The following DNAH5 variants were observed in gnomAD, a reference collection of about 807,000 sequenced individuals.
DNAH5 encodes dynein axonemal heavy chain 5, also known as axonemal beta dynein heavy chain 5.
DNAH5 carries 372 observed loss-of-function variants against 518.2 expected under a neutral mutation model. The ratio of observed to expected loss-of-function variants is 0.72; its 90% CI spans 0.66 to 0.78. DNAH5 has a LOEUF of 0.78. Among genes scored for constraint, DNAH5 ranks in the 30% least tolerant of loss-of-function variants. The pLI is 0.00. For missense variants in DNAH5, 5,523 were observed against 5,687.0 expected, an observed-to-expected ratio of 0.97 and a Z score of 0.93; for synonymous variants, 2,039 against 2,025.9, an observed-to-expected ratio of 1.01 and a Z score of -0.17.
intron 69 of DNAH5, among the ~76,000 whole-genome samples, chr5:13,728,122 G>T (rs887549601): frequency 2.0e-5 from 3 of 152,124 alleles, no homozygotes; most frequent in African/African-American, 7.2e-5. Context: ...ACAGCTTTTT[G>T]ATCAATACTC....
At chr5:13,799,181 T>C (rs1462965185) in intron 47 of DNAH5, among the ~76,000 whole-genome samples, 2 of 150,060 alleles carry the variant, frequency 1.3e-5, no homozygotes, top group South Asian at 2.1e-4. Context: ...CCCATGACAT[T>C]GTACAATAGC....
At chr5:13,876,144 A>G (rs566521887) in intron 22 of DNAH5, among the ~76,000 whole-genome samples, 2 of 152,334 alleles carry the variant, frequency 1.3e-5, no homozygotes, top group Admixed American at 1.3e-4. Context: ...AGAGGGGAGT[A>G]TGCTGAAAGA....
At chr5:13,933,117 A>G (rs1187153578) in intron 1 of DNAH5, among the ~76,000 whole-genome samples, 1 of 152,248 alleles carries the variant, frequency 6.6e-6, no homozygotes, top group East Asian at 1.9e-4. Context: ...GTGGGACAAA[A>G]TAACTTCTCC....
chr5:13,984,972 T>C (rs995540085), intron 1 of DNAH5, among the ~76,000 whole-genome samples: 2 of 152,142 alleles, frequency 1.3e-5, no homozygotes, highest in African/African-American at 4.8e-5. Flanking sequence ...TAAAGACACA[T>C]GCACATGTAT....
chr5:13,793,399 A>C (rs1757307418), intron 49 of DNAH5, 116 bp downstream of exon 49: 1 of 825,446 alleles, frequency 1.2e-6, no homozygotes, highest in Non-Finnish European at 2.1e-6. Flanking sequence ...TGGAGGCTGT[A>C]GACCAAGGAG....
chr5:14,010,828 A>G (rs531864989), intron 1 of DNAH5, among the ~76,000 whole-genome samples: 7 of 152,206 alleles, frequency 4.6e-5, no homozygotes, highest in African/African-American at 1.2e-4. Context: ...GTATAAATTT[A>G]TATCTTTAAA....
At chr5:13,755,977 G>A (rs1750937168) in intron 61 of DNAH5, among the ~76,000 whole-genome samples, 2 of 152,170 alleles carry the variant, frequency 1.3e-5, no homozygotes, top group South Asian at 2.1e-4. Context: ...AAAGAAAGCC[G>A]TAAGTTCCGT....
At chr5:13,854,407 G>T (rs921925935) in intron 30 of DNAH5, among the ~76,000 whole-genome samples, 13 of 152,184 alleles carry the variant, frequency 8.5e-5, no homozygotes, top group African/African-American at 3.1e-4. Context: ...ACCAGCCACT[G>T]CAAAAACAAA....
rs376618204 is a variant in DNAH5, at chr5:13,864,553, G to A, written c.4440C>T (p.Cys1480=). ...KKIIDDFSEC[C]PLLEYMASKA... is the part of the protein sequence containing the mutation. ...TACTGGCCATGTATTCCAGCAGCGG[G>A]CAACACTCGCTGAAATCATCAATGA... Residue 1480 remains cysteine, a synonymous_variant, in exon 28 of 79, where the codon TGC becomes TGT. Transcript: ENST00000265104. 9.7e-5 allele frequency: 156 copies of A among 1,613,958 alleles called. No homozygotes were observed. Among genetic ancestry groups the A allele is most frequent in the Non-Finnish European group, 1.3e-4 (148 of 1,180,026 alleles).
rs188647182 is a variant in DNAH5, at chr5:13,920,711, C to T, written c.661-94G>A. The T allele has an allele frequency of 2.5e-4, 365 of 1,459,610 alleles. No individual in the cohort carries two copies. In the African/African-American group the frequency reaches 3.9e-3, roughly 15 times the overall value. The allele number at this position is 1,459,610 out of a possible 1,614,324, so 90.4% of individuals were successfully genotyped here. A position where few individuals can be genotyped will look rare whatever the true frequency, so the allele number is the denominator to read the frequency against. ...TTTCCACTTTGCTGCACTCTGACAG[C>T]GCTCTGGAAAGCCCACCAGGTAGCA... On this transcript the variant is annotated intron_variant, in intron 5 of 78. Transcript: ENST00000265104.
At position 13,729,440 on chromosome 5, in the gene DNAH5, T is replaced by C; in HGVS notation, c.11882A>G (p.Gln3961Arg). 6.2e-7 allele frequency: 1 copy of C among 1,613,990 alleles called. No individual in the cohort carries two copies. The highest frequency in any genetic ancestry group is 8.5e-7 in the Non-Finnish European group (1 of 1,179,882). ...TAAGTTGATTCAAAGCACAGTTACC[T>C]GGTCAAGGACATCTGAAAACTGTCT... ...KLRQFSDVLD[Q>R]ISRNEKMWKI... Residue 3961 changes from glutamine to arginine, a missense_variant and splice_region_variant, in exon 69 of 79, where the codon CAG (glutamine) becomes CGG (arginine). By Grantham distance (43) the Gln-to-Arg change is conservative (BLOSUM62 1). Coordinates refer to ENST00000265104, the MANE Select transcript of DNAH5 (RefSeq NM_001369.3).
intron 28 of DNAH5, among the ~76,000 whole-genome samples, chr5:13,863,019 G>C (rs576349867): frequency 6.6e-6 from 1 of 152,220 alleles, no homozygotes; most frequent in East Asian, 1.9e-4. Flanking sequence ...AAGGAAAGAT[G>C]ACAGAAAATA....
intron 3 of DNAH5, among the ~76,000 whole-genome samples, chr5:13,924,888 C>A (rs959271307): frequency 6.6e-6 from 1 of 152,150 alleles, no homozygotes; most frequent in African/African-American, 2.4e-5. Context: ...TGAGCTGTTT[C>A]ATTGTGTTCT....
intron 11 of DNAH5, among the ~76,000 whole-genome samples, chr5:13,912,501 T>C (rs1447407777): frequency 6.6e-6 from 1 of 151,680 alleles, no homozygotes; most frequent in African/African-American, 2.4e-5. Context: ...ACTATATATA[T>C]GCATGGAATG....
At chr5:13,987,601 C>T (rs1783147296) in intron 1 of DNAH5, among the ~76,000 whole-genome samples, 1 of 152,110 alleles carries the variant, frequency 6.6e-6, no homozygotes, top group Admixed American at 6.6e-5. Context: ...GCCTGTAATC[C>T]CAGCACTTTG....
intron 44 of DNAH5, chr5:13,810,584 CAAA>C (rs61113976): frequency 1.1e-3 from 108 of 99,732 alleles, no homozygotes; most frequent in Middle Eastern, 5.6e-3. Context: ...ACTAAAAATA[CAAA>C]AAAAAAAAAA....
At chr5:13,957,055 CTCAGAT>C (rs1447710686) in intron 1 of DNAH5, among the ~76,000 whole-genome samples, 1 of 152,140 alleles carries the variant, frequency 6.6e-6, no homozygotes, top group Non-Finnish European at 1.5e-5. Context: ...AGAAGAAATC[CTCAGAT>C]TCTGGTTACA....
In DNAH5 at chr5:13,727,596, G is replaced by A. The variant is rs759491688; in HGVS notation, c.11944C>T (p.Pro3982Ser). 1.9e-6 allele frequency: 3 copies of A among 1,613,772 alleles called. No individual in the cohort carries two copies. Among genetic ancestry groups the A allele is most frequent in the Non-Finnish European group, 1.7e-6 (2 of 1,179,800 alleles). ...WFDKENPEEEPLPNAYDKSLD... is the reference protein window; with the variant it reads ...WFDKENPEEESLPNAYDKSLD... ...GATTTATCATAGGCATTTGGAAGAG[G>A]TTCCTCCTCCGGGTTTTCCTTATCA... The change falls in exon 70 of 79, where the codon CCT (proline) becomes TCT (serine). Residue 3982 changes from proline to serine, a missense_variant. This residue lies in a region of DNAH5 where 5,121 missense variants were observed against 5,223.3 expected (regional missense o/e 0.98). Transcript: ENST00000265104.
chr5:13,718,401 A>C (rs1744589749), intron 72 of DNAH5, among the ~76,000 whole-genome samples: 1 of 152,168 alleles, frequency 6.6e-6, no homozygotes, highest in Non-Finnish European at 1.5e-5. Context: ...AGAGGAAGCA[A>C]TGGCCAAGAG....
Sources: allele counts gnomAD v4.1 joint callset (sites outside exome capture counted in the v4.1 genomes callset), GRCh38; gene constraint gnomAD v4.1.1; regional missense constraint gnomAD v4.1.1; transcripts MANE v1.5; gene names NCBI Gene and HGNC (gene_info 2026-07-23, HGNC 2026-07-21).